The following CCSER1 variants were observed in gnomAD, a reference collection of about 807,000 sequenced individuals.
CCSER1 encodes the protein serine-rich coiled-coil domain-containing protein 1.
In CCSER1, 41 loss-of-function variants were observed where a neutral mutation model predicts 82.0. The ratio of observed to expected loss-of-function variants is 0.50; its 90% CI spans 0.39 to 0.65. The LOEUF is 0.65. Ranked by LOEUF, CCSER1 falls within the 30% of genes least tolerant of loss-of-function variation. The pLI, the probability that CCSER1 is intolerant of heterozygous loss-of-function variation, is 0.00. For synonymous variants in CCSER1, 414 were observed against 383.9 expected (o/e 1.08, Z -0.92); for missense variants, 1,119 against 1,064.2 (o/e 1.05, Z -0.72).
At chr4:90,570,335 G>T (rs1428006914) in intron 5 of CCSER1, among the ~76,000 whole-genome samples, 4 of 152,104 alleles carry the variant, frequency 2.6e-5, no homozygotes, top group African/African-American at 9.7e-5. Context: ...AGATCCATTG[G>T]GTTGGGGGAC....
At chr4:91,134,494 A>G (rs552196566) in intron 10 of CCSER1, among the ~76,000 whole-genome samples, 1 of 152,308 alleles carries the variant, frequency 6.6e-6, no homozygotes, top group East Asian at 1.9e-4. Flanking sequence ...GCATCAAGTT[A>G]AATACTGGCA....
rs34947960 is a variant in CCSER1 at position 90,567,307 on chromosome 4, A to ATT, written c.1725-60703_1725-60702dup. Among the ~76,000 whole-genome samples the ATT allele has an allele frequency of 5.7e-3, 785 of 138,718 alleles. 11 individuals carry two copies. The highest frequency in any genetic ancestry group is 0.011 in the South Asian group (50 of 4,400). The allele number at this position is 138,718 out of a possible 152,430, so 91.0% of individuals were successfully genotyped here. On this transcript the variant is annotated intron_variant, in intron 5 of 10. Transcript: ENST00000509176. ...TGTTTCCATTTTCTTTTGTCTCTGG[A>ATT]TTTTTTTTTTTTTTTTGACGGAGCC...
intron 10 of CCSER1, among the ~76,000 whole-genome samples, chr4:91,233,060 A>G (rs997322947): frequency 7.9e-5 from 12 of 151,798 alleles, no homozygotes; most frequent in African/African-American, 2.7e-4. Context: ...TTTACTGGTT[A>G]CTTTATATGC....
intron 5 of CCSER1, among the ~76,000 whole-genome samples, chr4:90,624,687 A>G (rs1340062752): frequency 6.6e-6 from 1 of 152,220 alleles, no homozygotes; most frequent in African/African-American, 2.4e-5. Flanking sequence ...TCCACTTAAT[A>G]TAACATTTAT....
At chr4:91,422,835 C>G (rs897148534) in intron 10 of CCSER1, among the ~76,000 whole-genome samples, 1 of 152,076 alleles carries the variant, frequency 6.6e-6, no homozygotes, top group Non-Finnish European at 1.5e-5. Flanking sequence ...AGCTCAAGTT[C>G]TATAACAGTA....
intron 10 of CCSER1, among the ~76,000 whole-genome samples, chr4:91,365,547 ACT>A (rs1425037508): frequency 6.6e-6 from 1 of 152,168 alleles, no homozygotes; most frequent in Non-Finnish European, 1.5e-5. Context: ...ACAGAATCAG[ACT>A]CTTTATAGCT....
chr4:90,152,772 T>C (rs1449209381), intron 1 of CCSER1, among the ~76,000 whole-genome samples: 1 of 152,030 alleles, frequency 6.6e-6, no homozygotes, highest in African/African-American at 2.4e-5. Context: ...CAGTGAAATT[T>C]GGGATATTCT....
chr4:91,136,471 C>G (rs1383492690), intron 10 of CCSER1, among the ~76,000 whole-genome samples: 1 of 152,154 alleles, frequency 6.6e-6, no homozygotes, highest in African/African-American at 2.4e-5. Context: ...CAGAATTCTA[C>G]TCTAATCTTT....
chr4:90,300,263 G>T (rs1302871063), intron 1 of CCSER1, among the ~76,000 whole-genome samples: 2 of 152,062 alleles, frequency 1.3e-5, no homozygotes, highest in African/African-American at 4.8e-5. Flanking sequence ...TTAATAGACT[G>T]GTTGGGACAC....
intron 10 of CCSER1, among the ~76,000 whole-genome samples, chr4:91,374,317 G>C (rs7672780): frequency 6.6e-6 from 1 of 152,024 alleles, no homozygotes; most frequent in South Asian, 2.1e-4. Context: ...TTTTAAGGAC[G>C]GAATGACTCC....
intron 6 of CCSER1, among the ~76,000 whole-genome samples, chr4:90,659,861 T>A (rs993877776): frequency 4.6e-5 from 7 of 152,098 alleles, no homozygotes; most frequent in Non-Finnish European, 1.0e-4. Context: ...TTAATTTACA[T>A]TTATCTCATG....
intron 8 of CCSER1, among the ~76,000 whole-genome samples, chr4:90,904,526 G>A (rs1238224089): frequency 6.6e-6 from 1 of 152,048 alleles, no homozygotes; most frequent in Non-Finnish European, 1.5e-5. Context: ...CTTGGAAAGA[G>A]GATCTGTTCC....
At chr4:90,648,631 A>G (rs956535238) in intron 6 of CCSER1, among the ~76,000 whole-genome samples, 2 of 152,208 alleles carry the variant, frequency 1.3e-5, no homozygotes, top group Non-Finnish European at 2.9e-5. Context: ...AGAAACAGTA[A>G]AAGCCAAGTG....
intron 4 of CCSER1, among the ~76,000 whole-genome samples, chr4:90,450,654 A>G (rs1761319935): frequency 6.6e-6 from 1 of 152,200 alleles, no homozygotes; most frequent in East Asian, 1.9e-4. Context: ...AGTGTAATGA[A>G]TCCAAGAATC....
intron 6 of CCSER1, among the ~76,000 whole-genome samples, chr4:90,714,298 T>G (rs1005664069): frequency 1.3e-5 from 2 of 152,018 alleles, no homozygotes; most frequent in African/African-American, 4.8e-5. Flanking sequence ...TTGTCTCCCC[T>G]AATGAACTTA....
chr4:90,693,916 GGA>G (rs200178268), intron 6 of CCSER1, among the ~76,000 whole-genome samples: 56 of 148,512 alleles, frequency 3.8e-4, no homozygotes, highest in Admixed American at 3.4e-3. Context: ...AGAAAGAGGA[GGA>G]GAGAGAGAGG....
At chr4:91,126,213 G>A (rs758807223) in intron 10 of CCSER1, among the ~76,000 whole-genome samples, 19 of 151,770 alleles carry the variant, frequency 1.3e-4, no homozygotes, top group Non-Finnish European at 2.4e-4. Context: ...AACTAAAGAT[G>A]CCTCTGTTAA....
At chr4:91,060,341 T>C (rs1404264955) in intron 9 of CCSER1, among the ~76,000 whole-genome samples, 1 of 152,080 alleles carries the variant, frequency 6.6e-6, no homozygotes, top group Non-Finnish European at 1.5e-5. Flanking sequence ...AAGAATTGGC[T>C]AGTCATTTCT....
At chr4:91,253,303 T>C (rs1405007365) in intron 10 of CCSER1, among the ~76,000 whole-genome samples, 4 of 152,130 alleles carry the variant, frequency 2.6e-5, no homozygotes, top group Admixed American at 2.6e-4. Context: ...GAATACATTA[T>C]ATAATTTATA....
Sources: gnomAD v4.1 joint callset for allele counts (sites outside exome capture counted in the v4.1 genomes callset) on GRCh38, gnomAD v4.1.1 for gene constraint, MANE v1.5 for transcripts, NCBI Gene and HGNC (gene_info 2026-07-23, HGNC 2026-07-21) for gene names.